KISS1: variants seen among roughly 807,000 people sequenced by gnomAD.
The protein encoded by KISS1 is metastasis-suppressor KiSS-1.
For synonymous variants in KISS1, 97 were observed against 88.7 expected, an observed-to-expected ratio of 1.09 and a Z score of -0.52; for missense variants, 182 against 182.7, an observed-to-expected ratio of 1.00 and a Z score of 0.02.
At position 204,190,410 on chromosome 1, in the gene KISS1, C is replaced by CG. The variant is rs1558252995; in HGVS notation, c.*73_*74insC. The CG allele has an allele frequency of 3.4e-5, 15 of 440,404 alleles. No homozygotes were observed. The African/African-American group carries it at 7.1e-4, about 21-fold the overall frequency. 27.3% of individuals were successfully genotyped at this position (440,404 alleles called of 1,614,324 possible). ...AGCGCCCCCTCCCTTAGCCCTACGTCCCCGCCCCCCGCCCCCGCCCCGCAT... is the reference window on the plus strand; with the variant it reads ...AGCGCCCCCTCCCTTAGCCCTACGTCGCCCGCCCCCCGCCCCCGCCCCGCAT... On this transcript the variant is annotated 3_prime_UTR_variant, in exon 3 of 3. Transcript: ENST00000367194.
Position 204,190,411 on chromosome 1 carries a change from C to CG in KISS1, c.*72_*73insC. On this transcript the variant is annotated 3_prime_UTR_variant, in exon 3 of 3. Transcript: ENST00000367194. ...GCGCCCCCTCCCTTAGCCCTACGTC[C>CG]CCGCCCCCCGCCCCCGCCCCGCATG... The CG allele has an allele frequency of 1.9e-6, 1 of 537,236 alleles. No homozygotes were observed. The highest frequency in any genetic ancestry group is 3.3e-6 in the Non-Finnish European group (1 of 300,780). The allele number at this position is 537,236 out of a possible 1,614,324, so 33.3% of individuals were successfully genotyped here. A position where few individuals can be genotyped will look rare whatever the true frequency, so the allele number is the denominator to read the frequency against.
At chr1:204,195,195 C>CATATAT (rs1658817161) in intron 1 of KISS1, among the ~76,000 whole-genome samples, 1 of 145,590 alleles carries the variant, frequency 6.9e-6, no homozygotes, top group African/African-American at 2.8e-5. Context: ...TGCACACACA[C>CATATAT]ACCACACACA....
chr1:204,190,948 C>T, intron 2 of KISS1, 151 bp from the exon 3 acceptor site: 1 of 653,224 alleles, frequency 1.5e-6, no homozygotes, highest in Non-Finnish European at 2.7e-6. Context: ...ATCACCTTAG[C>T]TGGGATGATT....
chr1:204,191,429 C>G (rs1658742322), intron 2 of KISS1, among the ~76,000 whole-genome samples: 1 of 149,564 alleles, frequency 6.7e-6, no homozygotes, highest in Non-Finnish European at 1.5e-5. Context: ...TTAACTGGCT[C>G]TCTTCCTCCA....
Position 204,192,695 on chromosome 1 carries a change from C to A in KISS1, c.103+79G>T. ...GCAATGTTAAACTCACACCAGTCGA[C>A]TAGATGGAAAATACGGGAAAGCTCA... On this transcript the variant is annotated intron_variant, in intron 2 of 2. Transcript: ENST00000367194. This position sits in a 1 kb window ranked among gnomAD's most constrained non-coding sequence, Gnocchi z 4.2. The A allele has an allele frequency of 2.3e-6, 2 of 855,858 alleles. No individual in the cohort carries two copies. The highest frequency in any genetic ancestry group is 2.0e-6 in the Non-Finnish European group (1 of 511,664). 53.0% of individuals were successfully genotyped at this position (855,858 alleles called of 1,614,324 possible).
chr1:204,194,917 T>C (rs996315438), intron 1 of KISS1, among the ~76,000 whole-genome samples: 5 of 152,024 alleles, frequency 3.3e-5, no homozygotes, highest in African/African-American at 1.2e-4. Flanking sequence ...AGGGGCTTCA[T>C]CCTGGAGGGG....
chr1:204,196,305 T>C (rs1487946338), intron 1 of KISS1, 71 bp downstream of exon 1: 1 of 152,402 alleles, frequency 6.6e-6, no homozygotes, highest in Non-Finnish European at 1.5e-5. Flanking sequence ...ACGGATTCCC[T>C]GCTCCCCTCC....
Position 204,190,732 on chromosome 1 carries a change from T to C in KISS1, c.169A>G (p.Lys57Glu). ...CTCAGCCTGGCAGTAGCAGCTGGCTTCCTCTCGGTGCACGGCAGGCTCTGC... is the reference window on the plus strand; with the variant it reads ...CTCAGCCTGGCAGTAGCAGCTGGCTCCCTCTCGGTGCACGGCAGGCTCTGC... ...GEQSLPCTERKPAATARLSRR... is the reference protein window; with the variant it reads ...GEQSLPCTEREPAATARLSRR... Residue 57 changes from lysine (K) to glutamate (E), a missense_variant, in exon 3 of 3, where the codon AAG becomes GAG. By Grantham distance (56) the Lys-to-Glu change is moderately conservative (BLOSUM62 1). Transcript: ENST00000367194. 1 of 1,609,876 alleles carries C rather than the reference T, an allele frequency of 6.2e-7. No individual in the cohort carries two copies. The highest frequency in any genetic ancestry group is 1.1e-5 in the South Asian group (1 of 90,298).
intron 1 of KISS1, among the ~76,000 whole-genome samples, chr1:204,195,101 G>A (rs1658812067): frequency 1.6e-5 from 1 of 63,830 alleles, no homozygotes. Context: ...CACTTACCAT[G>A]TGCGCCATGG....
At chr1:204,191,238 A>G (rs1049504202) in intron 2 of KISS1, among the ~76,000 whole-genome samples, 11 of 152,148 alleles carry the variant, frequency 7.2e-5, no homozygotes, top group Admixed American at 4.6e-4. Context: ...TGCCTGTTAA[A>G]TACATAAAAG....
Position 204,192,993 on chromosome 1 carries a change from A to C in KISS1, c.-38-79T>G. On this transcript the variant is annotated intron_variant, in intron 1 of 2. Transcript: ENST00000367194. This position sits in a 1 kb window ranked among gnomAD's most constrained non-coding sequence, Gnocchi z 4.2. ...TGCTGAGGGCAGAGCCCAGTGCAAA[A>C]GGGACAGTCCTCCAAGAGAGGGGCA... 15 of 746,384 alleles carry C rather than the reference A, an allele frequency of 2.0e-5. No individual in the cohort carries two copies. In the South Asian group the frequency reaches 2.2e-4, roughly 11 times the overall value. 46.2% of individuals were successfully genotyped at this position (746,384 alleles called of 1,614,324 possible). A position where few individuals can be genotyped will look rare whatever the true frequency, so the allele number is the denominator to read the frequency against.
At chr1:204,195,705 TAC>T (rs1658845888) in intron 1 of KISS1, among the ~76,000 whole-genome samples, 2 of 104,760 alleles carry the variant, frequency 1.9e-5, no homozygotes, top group African/African-American at 7.7e-5. Flanking sequence ...CATACACCCA[TAC>T]ACACATATCA....
Position 204,190,419 on chromosome 1 carries a change from C to CCCCCCCCCCCCCCCCCTGCT in KISS1, c.*64_*65insAGCAGGGGGGGGGGGGGGGG. ...TCCCTTAGCCCTACGTCCCCGCCCC[C>CCCCCCCCCCCCCCCCCTGCT]CGCCCCCGCCCCGCATGCTCTGACT... On this transcript the variant is annotated 3_prime_UTR_variant, in exon 3 of 3. Transcript: ENST00000367194. The CCCCCCCCCCCCCCCCCTGCT allele has an allele frequency of 1.4e-6, 1 of 721,998 alleles. No individual in the cohort carries two copies. Among genetic ancestry groups the CCCCCCCCCCCCCCCCCTGCT allele is most frequent in the Non-Finnish European group, 2.4e-6 (1 of 424,312 alleles). The allele number at this position is 721,998 out of a possible 1,614,324, so 44.7% of individuals were successfully genotyped here. A position where few individuals can be genotyped will look rare whatever the true frequency, so the allele number is the denominator to read the frequency against.
At chr1:204,190,897 CT>C (rs1658732655) in intron 2 of KISS1, 100 bp from the exon 3 acceptor site, 3 of 1,064,224 alleles carry the variant, frequency 2.8e-6, no homozygotes, top group Non-Finnish European at 4.1e-6. Flanking sequence ...CTTCCTTGAC[CT>C]TTTGGAAGCT....
intron 1 of KISS1, among the ~76,000 whole-genome samples, chr1:204,195,336 ACAC>A (rs1658832706): frequency 2.2e-5 from 1 of 45,922 alleles, no homozygotes; most frequent in Admixed American, 2.4e-4. Context: ...CACACACCAC[ACAC>A]GCATACACAC....
chr1:204,190,422 C>T lies in KISS1; in HGVS notation c.*62G>A. 1.4e-6 allele frequency: 1 copy of T among 733,242 alleles called. No homozygotes were observed. Among genetic ancestry groups the T allele is most frequent in the East Asian group, 2.9e-5 (1 of 34,286 alleles). The allele number at this position is 733,242 out of a possible 1,614,324, so 45.4% of individuals were successfully genotyped here. On this transcript the variant is annotated 3_prime_UTR_variant, in exon 3 of 3. Coordinates refer to ENST00000367194, the MANE Select transcript of KISS1 (RefSeq NM_002256.4). ...CTTAGCCCTACGTCCCCGCCCCCCG[C>T]CCCCGCCCCGCATGCTCTGACTCCT...
chr1:204,195,765 C>T (rs1658848681), intron 1 of KISS1, among the ~76,000 whole-genome samples: 2 of 151,614 alleles, frequency 1.3e-5, no homozygotes, highest in Admixed American at 6.6e-5. Context: ...ATTCCACTGC[C>T]CAGCCCATCG....
intron 1 of KISS1, among the ~76,000 whole-genome samples, chr1:204,195,240 T>C (rs141114303): frequency 0.18 from 262 of 1,430 alleles, 1 homozygote; most frequent in Middle Eastern, 0.25. Context: ...TATACACGCA[T>C]ACACCCATAC....
chr1:204,195,562 C>A (rs1017423721), intron 1 of KISS1, among the ~76,000 whole-genome samples: 13 of 150,512 alleles, frequency 8.6e-5, no homozygotes, highest in Middle Eastern at 3.2e-3. Flanking sequence ...TACACCCGTA[C>A]ACATACACTA....
Sources: allele counts gnomAD v4.1 joint callset (sites outside exome capture counted in the v4.1 genomes callset), GRCh38; gene constraint gnomAD v4.1.1; non-coding constraint Gnocchi (gnomAD v3.1); transcripts MANE v1.5; gene names NCBI Gene and HGNC (gene_info 2026-07-23, HGNC 2026-07-21).